The following CTNNA3 variants were observed in gnomAD, a reference collection of about 807,000 sequenced individuals.
The protein encoded by CTNNA3 is catenin alpha-3.
Under a neutral mutation model 95.7 loss-of-function variants are expected in CTNNA3, and 76 were observed. The observed-to-expected ratio is 0.79, with a 90% CI of 0.66 to 0.96. The LOEUF is 0.96. CTNNA3 is among the 40% of genes least tolerant of loss of function. CTNNA3 has a pLI of 0.00. For synonymous variants in CTNNA3, 431 were observed against 374.4 expected (o/e 1.15, Z -1.74); for missense variants, 1,191 against 1,089.8 (o/e 1.09, Z -1.31).
At chr10:66,749,349 C>A (rs1839039347) in intron 9 of CTNNA3, among the ~76,000 whole-genome samples, 1 of 151,874 alleles carries the variant, frequency 6.6e-6, no homozygotes, top group Non-Finnish European at 1.5e-5. Context: ...CCCTAAAAAT[C>A]TTCTGTGCTC....
At chr10:66,908,456 G>A (rs572802519) in intron 7 of CTNNA3, among the ~76,000 whole-genome samples, 3 of 152,276 alleles carry the variant, frequency 2.0e-5, no homozygotes, top group African/African-American at 7.2e-5. Context: ...TTTACCGAAT[G>A]TTTAGAATGA....
intron 1 of CTNNA3, among the ~76,000 whole-genome samples, chr10:67,728,853 A>C (rs1841259070): frequency 6.6e-6 from 1 of 152,244 alleles, no homozygotes; most frequent in Admixed American, 6.5e-5. Flanking sequence ...AATGAAAAAT[A>C]GGCCATCTGT....
At chr10:67,700,347 C>A (rs968786913), upstream of CTNNA3, among the ~76,000 whole-genome samples, 1 of 152,164 alleles carries the variant, frequency 6.6e-6, no homozygotes, top group Non-Finnish European at 1.5e-5. Context: ...ACCCCTTGAC[C>A]CCCGAGCAGC....
intron 4 of CTNNA3, among the ~76,000 whole-genome samples, chr10:67,524,551 T>C (rs1840085794): frequency 6.6e-6 from 1 of 152,178 alleles, no homozygotes; most frequent in African/African-American, 2.4e-5. Context: ...GGACTTTGTA[T>C]AATATGGAGA....
intron 5 of CTNNA3, among the ~76,000 whole-genome samples, chr10:67,469,598 G>A (rs779444576): frequency 6.6e-5 from 10 of 151,076 alleles, no homozygotes; most frequent in East Asian, 1.9e-4. Context: ...ATCATACACC[G>A]GGGCCTGTCG....
intron 1 of CTNNA3, among the ~76,000 whole-genome samples, chr10:67,695,603 T>C (rs1383312422): frequency 1.3e-5 from 2 of 152,222 alleles, no homozygotes; most frequent in Admixed American, 6.5e-5. Flanking sequence ...TAGCTTTTGG[T>C]TGAAAGTAAA....
intron 10 of CTNNA3, among the ~76,000 whole-genome samples, chr10:66,535,894 T>C (rs1369706333): frequency 6.6e-6 from 1 of 152,152 alleles, no homozygotes; most frequent in African/African-American, 2.4e-5. Flanking sequence ...GATGATTTAA[T>C]TAATGATTAT....
At chr10:66,577,746 C>G (rs574609424) in intron 10 of CTNNA3, among the ~76,000 whole-genome samples, 1 of 152,076 alleles carries the variant, frequency 6.6e-6, no homozygotes, top group Non-Finnish European at 1.5e-5. Flanking sequence ...AGTTTTAAGT[C>G]AGGTAGTGTA....
intron 12 of CTNNA3, among the ~76,000 whole-genome samples, chr10:66,349,512 C>A (rs1283292810): frequency 6.6e-6 from 1 of 152,032 alleles, no homozygotes; most frequent in South Asian, 2.1e-4. Context: ...AAATAAAGAG[C>A]TATCATCAGA....
chr10:66,369,015 C>T (rs927168827), intron 12 of CTNNA3, among the ~76,000 whole-genome samples: 1 of 152,010 alleles, frequency 6.6e-6, no homozygotes, highest in Non-Finnish European at 1.5e-5. Flanking sequence ...ATAAATTGTT[C>T]ATTTAACTTT....
chr10:66,958,299 G>A (rs1564794620), intron 7 of CTNNA3, among the ~76,000 whole-genome samples: 1 of 107,340 alleles, frequency 9.3e-6, no homozygotes, highest in Non-Finnish European at 1.8e-5. Flanking sequence ...TCCTCCACCT[G>A]CTTTCTTGCA....
intron 5 of CTNNA3, among the ~76,000 whole-genome samples, chr10:67,442,990 C>T (rs973626743): frequency 7.2e-6 from 1 of 138,462 alleles, no homozygotes; most frequent in Admixed American, 7.7e-5. Context: ...GTTCCCCTTC[C>T]TGTGTCCATG....
chr10:67,603,282 A>G (rs1162052977), intron 3 of CTNNA3, among the ~76,000 whole-genome samples: 1 of 152,222 alleles, frequency 6.6e-6, no homozygotes, highest in African/African-American at 2.4e-5. Context: ...TTTGCATAAC[A>G]ACATTTTGGT....
At chr10:66,218,539 A>G (rs1197343481) in intron 13 of CTNNA3, among the ~76,000 whole-genome samples, 3 of 152,214 alleles carry the variant, frequency 2.0e-5, no homozygotes, top group African/African-American at 7.2e-5. Flanking sequence ...TGAATCGTTC[A>G]GCCCCAGTTA....
chr10:66,600,967 T>C (rs1356026623), intron 10 of CTNNA3, among the ~76,000 whole-genome samples: 1 of 151,902 alleles, frequency 6.6e-6, no homozygotes, highest in East Asian at 1.9e-4. Context: ...AGAAAATTAT[T>C]AGTGTTCAAA....
chr10:65,939,923 T>C (rs1289966811), intron 17 of CTNNA3, among the ~76,000 whole-genome samples: 2 of 152,146 alleles, frequency 1.3e-5, no homozygotes, highest in Non-Finnish European at 2.9e-5. Flanking sequence ...TAATATGAAA[T>C]ATCCTGGAAG....
intron 16 of CTNNA3, among the ~76,000 whole-genome samples, chr10:65,971,528 A>T (rs977128051): frequency 1.3e-5 from 2 of 152,118 alleles, no homozygotes; most frequent in South Asian, 4.1e-4. Context: ...AGAGCCTCAG[A>T]AACTATTGGG....
chr10:67,481,445 T>A (rs1195680192), intron 5 of CTNNA3, among the ~76,000 whole-genome samples: 1 of 152,028 alleles, frequency 6.6e-6, no homozygotes, highest in Non-Finnish European at 1.5e-5. Flanking sequence ...GGATACAAAA[T>A]CAAAGTACAA....
At chr10:67,354,514 ACT>A (rs1842742885) in intron 5 of CTNNA3, among the ~76,000 whole-genome samples, 1 of 152,012 alleles carries the variant, frequency 6.6e-6, no homozygotes, top group Non-Finnish European at 1.5e-5. Context: ...GAGAAGAGAT[ACT>A]AAAAAATCTC....
Sources: gnomAD v4.1 joint callset for allele counts (sites outside exome capture counted in the v4.1 genomes callset) on GRCh38, gnomAD v4.1.1 for gene constraint, MANE v1.5 for transcripts, NCBI Gene and HGNC (gene_info 2026-07-23, HGNC 2026-07-21) for gene names.